Variants in PDE4B observed in about 807,000 individuals in gnomAD.
PDE4B encodes the protein phosphodiesterase 4B.
In PDE4B, 20 loss-of-function variants were observed where a neutral mutation model predicts 82.2. The ratio of observed to expected loss-of-function variants is 0.24; its 90% CI spans 0.17 to 0.35. PDE4B has a LOEUF of 0.35. PDE4B is among the 10% of genes least tolerant of loss of function. The pLI is 1.00. For missense variants in PDE4B, 655 were observed against 907.2 expected, an observed-to-expected ratio of 0.72 and a Z score of 3.57; for synonymous variants, 320 against 318.9, an observed-to-expected ratio of 1.00 and a Z score of -0.04.
chr1:65,795,921 A>G (rs1645627090), intron 1 of PDE4B, among the ~76,000 whole-genome samples: 1 of 152,186 alleles, frequency 6.6e-6, no homozygotes, highest in Non-Finnish European at 1.5e-5. Context: ...GCCAGTTTTA[A>G]TCCATTGGTC....
At chr1:65,809,016 G>A (rs912479187) in intron 1 of PDE4B, among the ~76,000 whole-genome samples, 11 of 152,058 alleles carry the variant, frequency 7.2e-5, no homozygotes, top group African/African-American at 2.7e-4. Context: ...TGTGGTGTGT[G>A]GGTAGATATT....
chr1:66,192,630 T>C (rs1221266746), intron 3 of PDE4B, among the ~76,000 whole-genome samples: 1 of 152,198 alleles, frequency 6.6e-6, no homozygotes, highest in Non-Finnish European at 1.5e-5. Flanking sequence ...AAATATCCGT[T>C]AAAGTGAATA....
At chr1:66,035,179 C>A (rs1653997602) in intron 3 of PDE4B, among the ~76,000 whole-genome samples, 1 of 152,026 alleles carries the variant, frequency 6.6e-6, no homozygotes. Flanking sequence ...AGACTGGCAC[C>A]ATTTTTTAAT....
chr1:66,001,921 C>T (rs1311631845), intron 3 of PDE4B, among the ~76,000 whole-genome samples: 2 of 152,130 alleles, frequency 1.3e-5, no homozygotes, highest in Admixed American at 6.6e-5. Flanking sequence ...TAGGTTTTCA[C>T]CATGTTGCCC....
chr1:65,867,700 C>A (rs1356790641), intron 1 of PDE4B, among the ~76,000 whole-genome samples: 1 of 152,210 alleles, frequency 6.6e-6, no homozygotes, highest in Non-Finnish European at 1.5e-5. Context: ...ATAAATCTGA[C>A]TTGTGATTCC....
chr1:66,074,054 C>T (rs965983455), intron 3 of PDE4B, among the ~76,000 whole-genome samples: 4 of 152,050 alleles, frequency 2.6e-5, no homozygotes, highest in Admixed American at 1.3e-4. Flanking sequence ...CACTGTAATT[C>T]GATAGGTGGA....
rs114689203 is a variant in PDE4B, at chr1:66,046,738, G to A, written c.281+127903G>A. On this transcript the variant is annotated intron_variant, in intron 3 of 16. Transcript: ENST00000341517. ...TGACTGTAATCATTAACAGTAAGGA[G>A]TGAGGGAGGCTACTCAATGAGGAAA... Among the ~76,000 whole-genome samples the A allele has an allele frequency of 6.6e-3, 1,004 of 151,938 alleles. 15 individuals carry two copies. The highest frequency in any genetic ancestry group is 0.023 in the African/African-American group (934 of 41,508).
intron 9 of PDE4B, among the ~76,000 whole-genome samples, chr1:66,361,067 T>C (rs1008770907): frequency 6.6e-6 from 1 of 152,196 alleles, no homozygotes; most frequent in African/African-American, 2.4e-5. Flanking sequence ...CATTTATATT[T>C]CTAACATATA....
chr1:66,368,139 C>A, intron 15 of PDE4B, 74 bp downstream of exon 15: 4 of 1,524,028 alleles, frequency 2.6e-6, no homozygotes, highest in South Asian at 1.2e-5. Context: ...AAAAAGAAAA[C>A]AAAGATAAAT....
chr1:65,833,860 A>G (rs997064215), intron 1 of PDE4B, among the ~76,000 whole-genome samples: 1 of 152,240 alleles, frequency 6.6e-6, no homozygotes, highest in Admixed American at 6.5e-5. Context: ...CAATTAAATT[A>G]TATCAAAAAC....
chr1:65,873,329 C>T (rs564434702), intron 1 of PDE4B, among the ~76,000 whole-genome samples: 7 of 152,138 alleles, frequency 4.6e-5, no homozygotes, highest in East Asian at 3.9e-4. Flanking sequence ...TGAAACGTGA[C>T]GGGAAAGAAA....
intron 3 of PDE4B, among the ~76,000 whole-genome samples, chr1:66,127,543 T>C (rs1645848594): frequency 6.6e-6 from 1 of 152,146 alleles, no homozygotes; most frequent in African/African-American, 2.4e-5. Context: ...ATGATTTAGT[T>C]ATAGATTAGT....
At chr1:66,006,049 G>A (rs528577628) in intron 3 of PDE4B, among the ~76,000 whole-genome samples, 2 of 152,302 alleles carry the variant, frequency 1.3e-5, no homozygotes, top group South Asian at 2.1e-4. Context: ...AGGAAAAAAA[G>A]TTTCTAAAAA....
intron 8 of PDE4B, chr1:66,354,610 C>G (rs1296800751): frequency 3.0e-6 from 4 of 1,344,372 alleles, no homozygotes; most frequent in South Asian, 3.6e-5. Flanking sequence ...GATTTCATTA[C>G]TCTCTTCTGC....
At chr1:66,196,203 G>A (rs557102106) in intron 3 of PDE4B, among the ~76,000 whole-genome samples, 2 of 152,332 alleles carry the variant, frequency 1.3e-5, no homozygotes, top group South Asian at 4.1e-4. Flanking sequence ...GCATAGGAAG[G>A]AGTTCTGGAA....
intron 3 of PDE4B, among the ~76,000 whole-genome samples, chr1:65,956,492 A>G (rs953855553): frequency 6.6e-6 from 1 of 152,128 alleles, no homozygotes; most frequent in Non-Finnish European, 1.5e-5. Context: ...ATTACAGTAC[A>G]ACTATTATAT....
chr1:66,279,909 A>T (rs1367415180), intron 7 of PDE4B, among the ~76,000 whole-genome samples: 3 of 152,184 alleles, frequency 2.0e-5, no homozygotes, highest in African/African-American at 7.2e-5. Context: ...TTGATTGTAG[A>T]TGTTAACCAC....
At position 66,076,647 on chromosome 1, in the gene PDE4B, C is replaced by G. The variant is rs566878469; in HGVS notation, c.281+157812C>G. Among the ~76,000 whole-genome samples the G allele has an allele frequency of 7.2e-5, 11 of 152,244 alleles. No homozygotes were observed. In the South Asian group the frequency reaches 2.3e-3, roughly 32 times the overall value. On this transcript the variant is annotated intron_variant, in intron 3 of 16. Transcript: ENST00000341517. ...TCCCCACCATCTGTGTATGAGTTCCCCTTTCTCTGCAGCCGTGCCAGCATC... is the reference window on the plus strand; with the variant it reads ...TCCCCACCATCTGTGTATGAGTTCCGCTTTCTCTGCAGCCGTGCCAGCATC...
At chr1:66,281,511 G>A (rs934973711) in intron 7 of PDE4B, among the ~76,000 whole-genome samples, 8 of 152,168 alleles carry the variant, frequency 5.3e-5, no homozygotes, top group Admixed American at 5.2e-4. Context: ...GACATATGTA[G>A]GAAGTTTAAC....
Sources: allele counts gnomAD v4.1 joint callset (sites outside exome capture counted in the v4.1 genomes callset), GRCh38; gene constraint gnomAD v4.1.1; transcripts MANE v1.5; gene names NCBI Gene and HGNC (gene_info 2026-07-23, HGNC 2026-07-21).